MZF1: variants seen among roughly 807,000 people sequenced by gnomAD.
MZF1 encodes zinc finger and SCAN domain-containing protein 6.
In MZF1, 24 loss-of-function variants were observed where a neutral mutation model predicts 28.6. The observed-to-expected ratio is 0.84, with a 90% CI of 0.61 to 1.18. The LOEUF (loss-of-function observed/expected upper bound fraction) is 1.18, where lower values mean the gene tolerates loss of function less well. Ranked by LOEUF, MZF1 falls within the 50% of genes most tolerant of loss-of-function variation. The pLI is 0.00. For synonymous variants in MZF1, 516 were observed against 432.5 expected, an observed-to-expected ratio of 1.19 and a Z score of -2.40; for missense variants, 1,166 against 1,026.4, an observed-to-expected ratio of 1.14 and a Z score of -1.86.
chr19:58,572,233 G>T (rs1329091923), intron 1 of MZF1, among the ~76,000 whole-genome samples: 1 of 152,052 alleles, frequency 6.6e-6, no homozygotes, highest in Non-Finnish European at 1.5e-5. Flanking sequence ...TCCCTGCTTG[G>T]AAGCCTCACT....
rs774773643 is a variant in MZF1 at position 58,571,275 on chromosome 19, C to A, written c.115G>T (p.Gly39Cys). The change falls in exon 2 of 6, where the codon GGC becomes TGC. Residue 39 changes from glycine to cysteine, a missense_variant. Gly to Cys is a radical substitution (Grantham distance 159, BLOSUM62 -3). Transcript: ENST00000215057. ...EEGEAALWDP[G>C]PEAARLRFRC... is the part of the protein sequence containing the mutation. ...AAACGCAGGCGTGCAGCTTCAGGGC[C>A]TGGGTCCCATAAGGCAGCCTCACCC... 6.2e-7 allele frequency: 1 copy of A among 1,613,464 alleles called. No homozygotes were observed. Among genetic ancestry groups the A allele is most frequent in the Non-Finnish European group, 8.5e-7 (1 of 1,179,752 alleles).
intron 5 of MZF1, among the ~76,000 whole-genome samples, chr19:58,566,756 T>C (rs1022028360): frequency 6.6e-6 from 1 of 151,918 alleles, no homozygotes; most frequent in Non-Finnish European, 1.5e-5. Flanking sequence ...GGAGGATCAC[T>C]TGAGGTCAGG....
chr19:58,570,320 C>CGCGCCCA (rs1568685156), intron 3 of MZF1, 24 bp downstream of exon 3: 1 of 1,580,798 alleles, frequency 6.3e-7, no homozygotes, highest in African/African-American at 1.4e-5. Context: ...AGACCTTAGG[C>CGCGCCCA]GCGCCCACCG....
chr19:58,569,028 A>G, intron 5 of MZF1: 1 of 425,256 alleles, frequency 2.4e-6, no homozygotes, highest in Non-Finnish European at 4.2e-6. Flanking sequence ...CTGCTTGCAA[A>G]AGGTTTTACT....
At chr19:58,569,100 T>C in intron 5 of MZF1, 177 bp downstream of exon 5, 1 of 823,174 alleles carries the variant, frequency 1.2e-6, no homozygotes, top group Non-Finnish European at 1.8e-6. Context: ...TGGGTGGCTT[T>C]TTTTGAGGGC....
At chr19:58,572,067 C>G (rs1333685250) in intron 1 of MZF1, 1 of 160,106 alleles carries the variant, frequency 6.2e-6, no homozygotes, top group Non-Finnish European at 1.4e-5. Flanking sequence ...CGCTACAGCT[C>G]TCTCTTTACC....
At chr19:58,566,421 T>C (rs1291869686) in intron 5 of MZF1, among the ~76,000 whole-genome samples, 1 of 151,884 alleles carries the variant, frequency 6.6e-6, no homozygotes, top group Non-Finnish European at 1.5e-5. Context: ...CACTCCAGCC[T>C]GGGCAACAAG....
intron 5 of MZF1, among the ~76,000 whole-genome samples, chr19:58,566,487 G>C (rs115870341): frequency 1.8e-4 from 28 of 152,206 alleles, no homozygotes; most frequent in African/African-American, 6.0e-4. Flanking sequence ...GTCTGGGAAT[G>C]TCTTTGCTTC....
Position 58,563,710 on chromosome 19 carries a change from G to C in MZF1, c.773-206C>G, listed in dbSNP as rs555142197. 18 of 510,402 alleles carry C rather than the reference G, an allele frequency of 3.5e-5. No individual in the cohort carries two copies. The South Asian group carries it at 5.8e-4, about 16-fold the overall frequency. 31.6% of individuals were successfully genotyped at this position (510,402 alleles called of 1,614,324 possible). A position where few individuals can be genotyped will look rare whatever the true frequency, so the allele number is the denominator to read the frequency against. Reference sequence around the variant, plus strand: ...AGACAGAACCCAGCACAAGGAGGAAGACTGGGCTATGTGAAAAAGCTTTCT... The same window carrying C: ...AGACAGAACCCAGCACAAGGAGGAACACTGGGCTATGTGAAAAAGCTTTCT... On this transcript the variant is annotated intron_variant, in intron 5 of 5. Coordinates refer to ENST00000215057, the MANE Select transcript of MZF1 (RefSeq NM_198055.2).
chr19:58,566,903 C>A (rs1183007700), intron 5 of MZF1, among the ~76,000 whole-genome samples: 1 of 112,408 alleles, frequency 8.9e-6, no homozygotes, highest in Non-Finnish European at 2.0e-5. Context: ...ATTCCCAAGA[C>A]TCTTTTTTTT....
Position 58,570,328 on chromosome 19 carries a change from C to G in MZF1, c.580+16G>C, listed in dbSNP as rs1405714829. 1.9e-6 allele frequency: 3 copies of G among 1,588,090 alleles called. No homozygotes were observed. The highest frequency in any genetic ancestry group is 1.1e-5 in the South Asian group (1 of 88,756). ...CCCAACCAGACCTTAGGCGCGCCCA[C>G]CGTGCATGCCCTCACCTGAGTCCTC... On this transcript the variant is annotated intron_variant, in intron 3 of 5. Coordinates refer to ENST00000215057, the MANE Select transcript of MZF1 (RefSeq NM_198055.2).
Position 58,562,244 on chromosome 19 carries a change from TC to T in MZF1, c.2032del (p.Glu678AsnfsTer84). On this transcript the variant is annotated frameshift_variant, in exon 6 of 6. Coordinates refer to ENST00000215057, the MANE Select transcript of MZF1 (RefSeq NM_198055.2). LOFTEE classifies it low-confidence loss of function (END_TRUNC). ...LTQHRRIHTGERPYACPECGK... is the reference protein window; with the variant it reads ...LTQHRRIHTGXRPYACPECGK... ...ACACTCAGGGCATGCGTAGGGCCGTTCACCCGTGTGGATGCGCCGGTGCTGG... is the reference window on the plus strand; with the variant it reads ...ACACTCAGGGCATGCGTAGGGCCGTTACCCGTGTGGATGCGCCGGTGCTGG... The T allele has an allele frequency of 1.2e-6, 2 of 1,604,804 alleles. No homozygotes were observed. Among genetic ancestry groups the T allele is most frequent in the Non-Finnish European group, 1.7e-6 (2 of 1,177,094 alleles).
intron 3 of MZF1, 158 bp downstream of exon 3, chr19:58,570,186 G>A (rs948469064): frequency 1.2e-5 from 9 of 743,304 alleles, no homozygotes; most frequent in Non-Finnish European, 4.3e-6. Context: ...CTGCGGTGGA[G>A]GGGAGACCTG....
At chr19:58,565,623 C>G (rs2054034753) in intron 5 of MZF1, among the ~76,000 whole-genome samples, 1 of 152,042 alleles carries the variant, frequency 6.6e-6, no homozygotes, top group African/African-American at 2.4e-5. Context: ...AGCTCCGCCT[C>G]CCGGGTTCAC....
In MZF1 at chr19:58,573,247, T is replaced by A. The variant is rs1351700473; in HGVS notation, c.-233A>T. On this transcript the variant is annotated 5_prime_UTR_variant, in exon 1 of 6. Coordinates refer to ENST00000215057, the MANE Select transcript of MZF1 (RefSeq NM_198055.2). ...GGTGGTCGCAATGATCAGGTCATACTCCTGGCCGCTTCTTCCCATGCTCCC... is the reference window on the plus strand; with the variant it reads ...GGTGGTCGCAATGATCAGGTCATACACCTGGCCGCTTCTTCCCATGCTCCC... The A allele has an allele frequency of 6.6e-6, 1 of 152,446 alleles. No homozygotes were observed. Among genetic ancestry groups the A allele is most frequent in the Non-Finnish European group, 1.5e-5 (1 of 68,094 alleles). 9.4% of individuals were successfully genotyped at this position (152,446 alleles called of 1,614,324 possible).
rs202014032 is a variant in MZF1 at position 58,564,901 on chromosome 19, T to TG, written c.773-1398dup. The stretch of plus-strand genomic sequence containing the variant: ...GGTGGAGAATAAGCATCCATGTGTG[T>TG]GTTTTTTTTTTTTTTTTTTTTTTTT... On this transcript the variant is annotated intron_variant, in intron 5 of 5. Coordinates refer to ENST00000215057, the MANE Select transcript of MZF1 (RefSeq NM_198055.2). Among the ~76,000 whole-genome samples the TG allele has an allele frequency of 1.9e-3, 186 of 100,262 alleles. 9 individuals carry two copies. The highest frequency in any genetic ancestry group is 8.9e-3 in the Middle Eastern group (2 of 224). 65.8% of individuals were successfully genotyped at this position (100,262 alleles called of 152,430 possible).
chr19:58,564,975 C>T (rs902027401), intron 5 of MZF1, among the ~76,000 whole-genome samples: 1 of 119,184 alleles, frequency 8.4e-6, no homozygotes, highest in Non-Finnish European at 1.6e-5. Context: ...GGCTGGAGTG[C>T]AGTGGTGTGA....
chr19:58,562,098 G>A lies in MZF1; in HGVS notation c.2179C>T (p.His727Tyr). 1 of 1,577,190 alleles carries A rather than the reference G, an allele frequency of 6.3e-7. No individual in the cohort carries two copies. Among genetic ancestry groups the A allele is most frequent in the Non-Finnish European group, 8.6e-7 (1 of 1,163,366 alleles). Residue 727 changes from histidine to tyrosine, a missense_variant, in exon 6 of 6, where the codon CAC becomes TAC. Transcript: ENST00000215057. Reference protein sequence around the residue: ...RFHQSTKLIQHQRVHSAE With the variant: ...RFHQSTKLIQYQRVHSAE ...TACTCGGCGCTGTGGACGCGCTGGT[G>A]CTGAATGAGCTTGGTGCTCTGGTGG...
chr19:58,567,729 C>T (rs73068325), intron 5 of MZF1, among the ~76,000 whole-genome samples: 26,673 of 152,154 alleles, frequency 0.18, 2,450 homozygotes, highest in Middle Eastern at 0.21. Context: ...GTAAGCCCCA[C>T]ATCTACCTGC....
Sources: gnomAD v4.1 joint callset for allele counts (sites outside exome capture counted in the v4.1 genomes callset) on GRCh38, gnomAD v4.1.1 for gene constraint, MANE v1.5 for transcripts, NCBI Gene and HGNC (gene_info 2026-07-23, HGNC 2026-07-21) for gene names.